Variants in ASB15 observed in about 807,000 individuals in gnomAD.
ASB15 encodes ankyrin repeat and SOCS box protein 15.
A neutral mutation model predicts 58.0 loss-of-function variants in ASB15; 54 were observed. The ratio of observed to expected loss-of-function variants is 0.93; its 90% CI spans 0.75 to 1.17. The LOEUF (loss-of-function observed/expected upper bound fraction) is 1.17. Ranked by LOEUF, ASB15 falls within the 50% of genes most tolerant of loss-of-function variation. ASB15 has a pLI of 0.00. For missense variants in ASB15, 680 were observed against 707.4 expected, an observed-to-expected ratio of 0.96 and a Z score of 0.44; for synonymous variants, 249 against 262.4, an observed-to-expected ratio of 0.95 and a Z score of 0.50.
chr7:123,598,165 C>T (rs904030380), upstream of ASB15, among the ~76,000 whole-genome samples: 2 of 152,084 alleles, frequency 1.3e-5, no homozygotes, highest in Non-Finnish European at 2.9e-5. Context: ...AATGGTTTCC[C>T]TCATGTCCAT....
At chr7:123,611,100 A>AAAG (rs1562926403) in intron 3 of ASB15, among the ~76,000 whole-genome samples, 1 of 150,152 alleles carries the variant, frequency 6.7e-6, no homozygotes, top group Admixed American at 6.9e-5. Flanking sequence ...AAAAAAAAAA[A>AAAG]AAAAGAAAAG....
At chr7:123,598,362 A>G (rs10953983), upstream of ASB15, among the ~76,000 whole-genome samples, 45,569 of 152,026 alleles carry the variant, frequency 0.3, 6,976 homozygotes, top group East Asian at 0.4. Context: ...GATATCTCTA[A>G]ATGATTTGTC....
intron 1 of ASB15, chr7:123,596,360 C>T (rs909430428): frequency 6.6e-6 from 1 of 151,926 alleles, no homozygotes; most frequent in East Asian, 1.9e-4. Flanking sequence ...ACCTGTGATC[C>T]CAACACTTTG....
intron 11 of ASB15, among the ~76,000 whole-genome samples, chr7:123,633,259 A>G (rs940593124): frequency 9.9e-5 from 15 of 152,206 alleles, no homozygotes; most frequent in Admixed American, 3.9e-4. Context: ...GATAAAATAG[A>G]TACAGCACAA....
intron 1 of ASB15, among the ~76,000 whole-genome samples, chr7:123,587,257 T>C (rs1378248896): frequency 1.3e-5 from 2 of 151,678 alleles, no homozygotes; most frequent in Admixed American, 1.3e-4. Context: ...TGTACTCACC[T>C]TTCACCTCCT....
chr7:123,586,634 C>T (rs1799381865), intron 1 of ASB15, among the ~76,000 whole-genome samples: 1 of 151,636 alleles, frequency 6.6e-6, no homozygotes, highest in Non-Finnish European at 1.5e-5. Context: ...TTGCCAAGTC[C>T]ATTGTCAAGT....
intron 6 of ASB15, 71 bp from the exon 7 acceptor site, chr7:123,617,508 T>A: frequency 3.0e-6 from 4 of 1,334,324 alleles, no homozygotes; most frequent in Non-Finnish European, 4.1e-6. Context: ...TAATATTGGA[T>A]TGCTCTGATT....
At chr7:123,595,604 GT>G (rs1191293194) in intron 1 of ASB15, among the ~76,000 whole-genome samples, 1 of 152,108 alleles carries the variant, frequency 6.6e-6, no homozygotes, top group Admixed American at 6.5e-5. Context: ...AAACTTTTCA[GT>G]GACAGGAACT....
intron 3 of ASB15, among the ~76,000 whole-genome samples, chr7:123,612,638 A>G (rs1051680530): frequency 6.6e-6 from 1 of 152,160 alleles, no homozygotes; most frequent in Non-Finnish European, 1.5e-5. Flanking sequence ...AAAAGAACAG[A>G]AGAGAGACAA....
In ASB15 at chr7:123,578,246, T is replaced by C. The variant is rs544861070; in HGVS notation, c.-443+11158T>C. Reference sequence around the variant, plus strand: ...ACAAGCTACCTGCTGATATTTTGTATCAGTTGGAAAAAAAATGACAAAATT... The same window carrying C: ...ACAAGCTACCTGCTGATATTTTGTACCAGTTGGAAAAAAAATGACAAAATT... On this transcript the variant is annotated intron_variant, in intron 1 of 13. Transcript: ENST00000451558. Among the ~76,000 whole-genome samples the C allele has an allele frequency of 1.3e-4, 19 of 151,062 alleles. No individual in the cohort carries two copies. The East Asian group carries it at 2.9e-3, about 23-fold the overall frequency.
intron 8 of ASB15, 35 bp from the exon 9 acceptor site, chr7:123,627,075 T>C (rs777845857): frequency 1.3e-6 from 2 of 1,590,062 alleles, no homozygotes; most frequent in African/African-American, 2.7e-5. Context: ...AACAATACCA[T>C]CCAGTTATCA....
intron 11 of ASB15, 104 bp from the exon 12 acceptor site, chr7:123,636,705 T>C: frequency 1.0e-6 from 1 of 967,190 alleles, no homozygotes; most frequent in East Asian, 2.4e-5. Context: ...TGTGCATACA[T>C]GTTTTTGAGA....
At chr7:123,579,435 G>T (rs937906485) in intron 1 of ASB15, among the ~76,000 whole-genome samples, 1 of 152,008 alleles carries the variant, frequency 6.6e-6, no homozygotes, top group Non-Finnish European at 1.5e-5. Flanking sequence ...TTATATGTTT[G>T]TTCTATGAAT....
chr7:123,569,445 G>A (rs994146667), intron 1 of ASB15, among the ~76,000 whole-genome samples: 19 of 152,158 alleles, frequency 1.2e-4, no homozygotes, highest in African/African-American at 4.6e-4. Context: ...ATTACTACCT[G>A]GTGTGGGTGG....
intron 1 of ASB15, among the ~76,000 whole-genome samples, chr7:123,588,864 T>G (rs1258451748): frequency 6.6e-6 from 1 of 151,822 alleles, no homozygotes; most frequent in Non-Finnish European, 1.5e-5. Context: ...TCTTCACATA[T>G]TTTTTAATTT....
chr7:123,618,066 A>G (rs1016425571), intron 7 of ASB15, among the ~76,000 whole-genome samples: 1 of 152,244 alleles, frequency 6.6e-6, no homozygotes, highest in Non-Finnish European at 1.5e-5. Flanking sequence ...TGCATGTGCC[A>G]TATGTAGCCA....
At position 123,614,561 on chromosome 7, in the gene ASB15, G is replaced by C. The variant is rs1403437288; in HGVS notation, c.59G>C (p.Ser20Thr). The C allele has an allele frequency of 6.2e-7, 1 of 1,612,032 alleles. No individual in the cohort carries two copies. The highest frequency in any genetic ancestry group is 1.1e-5 in the South Asian group (1 of 91,018). ...DHLTSYDIQL[S>T]IQESIEASKT... ...CTTACAAGTTATGATATTCAGCTAA[G>C]TATTCAAGAATCCATTGAAGCCAGC... Residue 20 changes from serine to threonine, a missense_variant, in exon 4 of 12, where the codon AGT becomes ACT. Ser to Thr is a moderately conservative substitution (Grantham distance 58). Transcript: ENST00000451215.
intron 2 of ASB15, among the ~76,000 whole-genome samples, chr7:123,605,641 C>G (rs145811146): frequency 1.1e-4 from 17 of 152,260 alleles, no homozygotes; most frequent in African/African-American, 3.9e-4. Flanking sequence ...TGTACGTATA[C>G]ACCATAGAAT....
intron 3 of ASB15, among the ~76,000 whole-genome samples, chr7:123,610,932 A>C (rs1800401079): frequency 6.6e-6 from 1 of 151,456 alleles, no homozygotes; most frequent in Non-Finnish European, 1.5e-5. Flanking sequence ...AAATACAAAA[A>C]TTAGCCAGGC....
Sources: gnomAD v4.1 joint callset for allele counts (sites outside exome capture counted in the v4.1 genomes callset) on GRCh38, gnomAD v4.1.1 for gene constraint, MANE v1.5 for transcripts, NCBI Gene and HGNC (gene_info 2026-07-23, HGNC 2026-07-21) for gene names.